Variants in ERBB4 observed in about 807,000 individuals in gnomAD.
ERBB4 encodes the protein receptor tyrosine-protein kinase erbB-4.
Under a neutral mutation model 158.0 loss-of-function variants are expected in ERBB4, and 42 were observed. The observed-to-expected ratio is 0.27, with a 90% CI of 0.21 to 0.34. The LOEUF is 0.34. Ranked by LOEUF, ERBB4 falls within the 10% of genes least tolerant of loss-of-function variation. The probability of loss-of-function intolerance (pLI) is 1.00; values close to 1 mark genes in which losing one functional copy is unlikely to be tolerated. For synonymous variants in ERBB4, 583 were observed against 558.7 expected, an observed-to-expected ratio of 1.04 and a Z score of -0.61; for missense variants, 1,333 against 1,624.1, an observed-to-expected ratio of 0.82 and a Z score of 3.08.
At chr2:211,854,133 C>T (rs1399416921) in intron 3 of ERBB4, among the ~76,000 whole-genome samples, 1 of 151,992 alleles carries the variant, frequency 6.6e-6, no homozygotes, top group Non-Finnish European at 1.5e-5. Flanking sequence ...AAAATTAGAC[C>T]TAGACCTATA....
chr2:212,191,709 TACATGTTACATATAACACGTGTTA>T, intron 1 of ERBB4, among the ~76,000 whole-genome samples: 1 of 148,966 alleles, frequency 6.7e-6, no homozygotes, highest in South Asian at 2.1e-4. Context: ...ACACGTGTTA[TACATGTTACATATAACACGTGTTA>T]TACATGTTAC....
At chr2:211,528,875 T>A (rs2066419921) in intron 20 of ERBB4, among the ~76,000 whole-genome samples, 1 of 151,846 alleles carries the variant, frequency 6.6e-6, no homozygotes, top group Non-Finnish European at 1.5e-5. Context: ...GAAGAAATTT[T>A]ACAGCTATAA....
intron 15 of ERBB4, among the ~76,000 whole-genome samples, chr2:211,664,400 T>A (rs1433948485): frequency 6.6e-6 from 1 of 152,064 alleles, no homozygotes; most frequent in Non-Finnish European, 1.5e-5. Flanking sequence ...TATGTGCACA[T>A]GCCTATAGGC....
At chr2:212,198,750 T>TTC (rs1417325289) in intron 1 of ERBB4, among the ~76,000 whole-genome samples, 2 of 147,300 alleles carry the variant, frequency 1.4e-5, no homozygotes, top group East Asian at 2.0e-4. Context: ...TTTTTTTTTT[T>TTC]TTTTTGGATT....
intron 2 of ERBB4, among the ~76,000 whole-genome samples, chr2:211,989,277 T>C: frequency 6.6e-6 from 1 of 151,974 alleles, no homozygotes; most frequent in East Asian, 1.9e-4. Flanking sequence ...CCAAGTATTT[T>C]ATAAAATATT....
intron 1 of ERBB4, among the ~76,000 whole-genome samples, chr2:212,478,521 A>C (rs1439882474): frequency 6.6e-6 from 1 of 152,148 alleles, no homozygotes; most frequent in East Asian, 1.9e-4. Flanking sequence ...GAACAGATGC[A>C]CAGAAATAAG....
chr2:212,069,900 T>C (rs79289495), intron 2 of ERBB4, among the ~76,000 whole-genome samples: 9,732 of 151,932 alleles, frequency 0.064, 370 homozygotes, highest in South Asian at 0.12. Context: ...AGAGGATCAC[T>C]TGAGGCTGGA....
chr2:212,342,893 G>T (rs998115587), intron 1 of ERBB4, among the ~76,000 whole-genome samples: 11 of 151,996 alleles, frequency 7.2e-5, no homozygotes, highest in African/African-American at 2.7e-4. Flanking sequence ...GAGTAAATAG[G>T]CCCAAACTTT....
intron 12 of ERBB4, among the ~76,000 whole-genome samples, chr2:211,691,568 ATGTGTGTG>A (rs61091828): frequency 5.0e-5 from 7 of 139,150 alleles, no homozygotes; most frequent in East Asian, 2.0e-4. Flanking sequence ...ATAGAAACAT[ATGTGTGTG>A]TGTGTGTGTG....
intron 3 of ERBB4, among the ~76,000 whole-genome samples, chr2:211,798,615 C>T (rs977815178): frequency 2.6e-5 from 4 of 152,028 alleles, no homozygotes; most frequent in African/African-American, 9.7e-5. Context: ...TAATATAGTT[C>T]AGGAGCTTTG....
At chr2:212,519,469 A>G (rs1692027033) in intron 1 of ERBB4, among the ~76,000 whole-genome samples, 1 of 151,874 alleles carries the variant, frequency 6.6e-6, no homozygotes, top group South Asian at 2.1e-4. Context: ...GCACAAAATG[A>G]TAAAGGATAA....
At chr2:211,419,931 T>C (rs1352416013) in intron 25 of ERBB4, among the ~76,000 whole-genome samples, 5 of 152,066 alleles carry the variant, frequency 3.3e-5, no homozygotes, top group African/African-American at 4.8e-5. Flanking sequence ...CTCAGCAGCC[T>C]TTTCGATGTG....
chr2:211,808,179 T>C (rs2076663781), intron 3 of ERBB4, among the ~76,000 whole-genome samples: 1 of 152,192 alleles, frequency 6.6e-6, no homozygotes, highest in African/African-American at 2.4e-5. Flanking sequence ...GTTTTTGGTG[T>C]TTTAGACATG....
At chr2:212,489,157 T>A (rs747715784) in intron 1 of ERBB4, among the ~76,000 whole-genome samples, 1 of 151,814 alleles carries the variant, frequency 6.6e-6, no homozygotes, top group Admixed American at 6.6e-5. Flanking sequence ...TAAGACAGAA[T>A]TGGCACAAAT....
At chr2:211,532,604 A>T (rs2066530932) in intron 20 of ERBB4, among the ~76,000 whole-genome samples, 1 of 152,046 alleles carries the variant, frequency 6.6e-6, no homozygotes, top group Admixed American at 6.6e-5. Flanking sequence ...ATCTCTACAG[A>T]TAGAAGATGA....
At position 211,940,760 on chromosome 2, in the gene ERBB4, C is replaced by T. The variant is rs1265710497; in HGVS notation, c.421+6670G>A. Among the ~76,000 whole-genome samples the T allele has an allele frequency of 2.0e-5, 3 of 152,072 alleles. No individual in the cohort carries two copies. In the East Asian group the frequency reaches 5.8e-4, roughly 29 times the overall value. On this transcript the variant is annotated intron_variant, in intron 3 of 27. Coordinates refer to ENST00000342788, the MANE Select transcript of ERBB4 (RefSeq NM_005235.3). ...ATGATTCTATTCCCTGAACGCCCAA[C>T]CCCACCACTTATTTTGGCTTATTTC...
chr2:211,801,187 T>C (rs2076491220), intron 3 of ERBB4, among the ~76,000 whole-genome samples: 1 of 152,200 alleles, frequency 6.6e-6, no homozygotes, highest in African/African-American at 2.4e-5. Flanking sequence ...AAAATGTATT[T>C]AAACATTAAG....
At chr2:212,150,619 G>C (rs2080836704) in intron 1 of ERBB4, among the ~76,000 whole-genome samples, 1 of 152,054 alleles carries the variant, frequency 6.6e-6, no homozygotes, top group Admixed American at 6.6e-5. Flanking sequence ...AATGGGTTAA[G>C]AAACAGTGTG....
At chr2:212,099,362 T>C (rs1378779464) in intron 2 of ERBB4, among the ~76,000 whole-genome samples, 1 of 152,012 alleles carries the variant, frequency 6.6e-6, no homozygotes, top group Non-Finnish European at 1.5e-5. Flanking sequence ...TCACATGCTA[T>C]CTATCTAGTT....
Sources: gnomAD v4.1 joint callset for allele counts (sites outside exome capture counted in the v4.1 genomes callset) on GRCh38, gnomAD v4.1.1 for gene constraint, MANE v1.5 for transcripts, NCBI Gene and HGNC (gene_info 2026-07-23, HGNC 2026-07-21) for gene names.